Variants in ERCC6L2 observed in about 807,000 individuals in gnomAD.
The protein encoded by ERCC6L2 is DNA excision repair protein ERCC-6-like 2.
A neutral mutation model predicts 132.0 loss-of-function variants in ERCC6L2; 77 were observed. The ratio of observed to expected loss-of-function variants is 0.58; its 90% CI spans 0.49 to 0.71. ERCC6L2 has a LOEUF of 0.71. Ranked by LOEUF, ERCC6L2 falls within the 30% of genes least tolerant of loss-of-function variation. The pLI, the probability that ERCC6L2 is intolerant of heterozygous loss-of-function variation, is 0.00. For missense variants in ERCC6L2, 1,542 were observed against 1,837.6 expected, an observed-to-expected ratio of 0.84 and a Z score of 2.94; for synonymous variants, 583 against 632.4, an observed-to-expected ratio of 0.92 and a Z score of 1.17.
chr9:95,927,248 GAGTA>G, intron 9 of ERCC6L2, among the ~76,000 whole-genome samples: 1 of 152,166 alleles, frequency 6.6e-6, no homozygotes, highest in Non-Finnish European at 1.5e-5. Context: ...TCTCTTGATT[GAGTA>G]AGTGTTATAT....
intron 6 of ERCC6L2, among the ~76,000 whole-genome samples, chr9:95,920,086 A>G (rs1470314908): frequency 6.6e-6 from 1 of 152,226 alleles, no homozygotes; most frequent in Non-Finnish European, 1.5e-5. Flanking sequence ...CAAATGGTGG[A>G]AGAAGGACTG....
intron 19 of ERCC6L2, among the ~76,000 whole-genome samples, chr9:96,030,712 A>AAC (rs1442394488): frequency 6.6e-6 from 1 of 151,548 alleles, no homozygotes; most frequent in Non-Finnish European, 1.5e-5. Context: ...AAAAAAAAAA[A>AAC]AAAAAAAAGC....
At chr9:95,936,747 T>A (rs1830572115) in intron 11 of ERCC6L2, among the ~76,000 whole-genome samples, 1 of 152,212 alleles carries the variant, frequency 6.6e-6, no homozygotes. Flanking sequence ...TCCCTCATGC[T>A]GTCCTTTTGT....
chr9:95,995,907 A>G (rs1025677419), intron 17 of ERCC6L2, among the ~76,000 whole-genome samples: 3 of 152,126 alleles, frequency 2.0e-5, no homozygotes, highest in Non-Finnish European at 4.4e-5. Flanking sequence ...AGACCTCCCC[A>G]TTCCCTGAAA....
Position 96,034,167 on chromosome 9 carries a change from C to T in ERCC6L2, c.*1504-4709C>T, listed in dbSNP as rs187524912. Among the ~76,000 whole-genome samples the T allele has an allele frequency of 3.3e-5, 5 of 152,334 alleles. No individual in the cohort carries two copies. In the East Asian group the frequency reaches 7.7e-4, roughly 23 times the overall value. ...TCTGTGCTCCCATCTCAGTGCTGCA[C>T]GCAGTCAGGGTAGGGATAGGAGGGG... On this transcript the variant is annotated intron_variant and NMD_transcript_variant, in intron 19 of 20. Transcript: ENST00000670016.
At chr9:96,020,638 G>A (rs73536571), downstream of ERCC6L2, 4,406 of 395,402 alleles carry the variant, frequency 0.011, 189 homozygotes, top group African/African-American at 0.083. Context: ...AAGGCCCACC[G>A]AGGAAGGCAG....
At position 96,017,758 on chromosome 9, in the gene ERCC6L2, G is replaced by T. The variant is rs1374246033; in HGVS notation, c.*4555G>T. 6.6e-6 allele frequency among the ~76,000 whole-genome samples: 1 copy of T among 152,170 alleles called. No individual in the cohort carries two copies. The highest frequency in any genetic ancestry group is 1.5e-5 in the Non-Finnish European group (1 of 68,050). ...TGATGGAGCCCACTGTGTGCTTTTT[G>T]TTGTTGTTACATTCCTATAAAAATG... On this transcript the variant is annotated 3_prime_UTR_variant, in exon 19 of 19. Coordinates refer to ENST00000653738, the MANE Select transcript of ERCC6L2 (RefSeq NM_020207.7).
At chr9:95,880,517 A>G (rs891572904) in intron 1 of ERCC6L2, among the ~76,000 whole-genome samples, 43 of 152,170 alleles carry the variant, frequency 2.8e-4, no homozygotes, top group Non-Finnish European at 3.7e-4. Flanking sequence ...GAATTCAACA[A>G]TAACAACCAA....
intron 17 of ERCC6L2, among the ~76,000 whole-genome samples, chr9:95,979,305 A>G (rs561452882): frequency 1.3e-5 from 2 of 152,302 alleles, no homozygotes; most frequent in South Asian, 2.1e-4. Flanking sequence ...CCAAATGGCT[A>G]TCCTGGACAG....
chr9:95,907,856 C>CACACACACAAACACACACACACACACACA (rs869053572), intron 4 of ERCC6L2, among the ~76,000 whole-genome samples: 1 of 145,830 alleles, frequency 6.9e-6, no homozygotes, highest in Non-Finnish European at 1.5e-5. Context: ...CACACACACA[C>CACACACACAAACACACACACACACACACA]CCCCACACCC....
chr9:95,914,544 A>G (rs1292198805), intron 4 of ERCC6L2, among the ~76,000 whole-genome samples: 1 of 151,940 alleles, frequency 6.6e-6, no homozygotes, highest in Non-Finnish European at 1.5e-5. Flanking sequence ...AGTAGAGACA[A>G]GATTTCACCA....
Position 96,004,500 on chromosome 9 carries a change from G to A in ERCC6L2, c.3493-20G>A. 1.6e-6 allele frequency: 2 copies of A among 1,282,358 alleles called. No homozygotes were observed. Among genetic ancestry groups the A allele is most frequent in the Non-Finnish European group, 2.1e-6 (2 of 975,388 alleles). The allele number at this position is 1,282,358 out of a possible 1,614,324, so 79.4% of individuals were successfully genotyped here. ...GACTATTTTTTCAGACATAGCTTTT[G>A]TTTCCTTTCTTTTTTTCAGACATAT... On this transcript the variant is annotated intron_variant, in intron 17 of 18. Transcript: ENST00000653738.
At chr9:95,916,202 C>T in intron 5 of ERCC6L2, 25 bp from the exon 6 acceptor site, 2 of 1,598,076 alleles carry the variant, frequency 1.3e-6, no homozygotes, top group Non-Finnish European at 1.7e-6. Context: ...AAAGCCCTTA[C>T]ATTTTTCTTA....
chr9:95,998,004 A>T (rs1392024122), intron 17 of ERCC6L2, among the ~76,000 whole-genome samples: 9 of 152,338 alleles, frequency 5.9e-5, no homozygotes. Flanking sequence ...TAAAGTAGAT[A>T]TTGTTTTTCA....
chr9:96,039,831 C>A (rs1834558567), intron 20 of ERCC6L2, among the ~76,000 whole-genome samples: 1 of 152,126 alleles, frequency 6.6e-6, no homozygotes. Flanking sequence ...CAAGACAGAG[C>A]AGGCTACAGT....
At chr9:95,879,165 T>C (rs937383060) in intron 1 of ERCC6L2, among the ~76,000 whole-genome samples, 1 of 152,046 alleles carries the variant, frequency 6.6e-6, no homozygotes, top group Non-Finnish European at 1.5e-5. Flanking sequence ...CTCCAGCACC[T>C]GTTGTTTCCT....
At chr9:95,932,806 A>G (rs1198137672) in intron 11 of ERCC6L2, among the ~76,000 whole-genome samples, 3 of 152,218 alleles carry the variant, frequency 2.0e-5, no homozygotes, top group African/African-American at 7.2e-5. Context: ...GGCAGACCTA[A>G]GGAATAAACA....
At chr9:95,996,766 A>G (rs1833485499) in intron 17 of ERCC6L2, among the ~76,000 whole-genome samples, 1 of 152,340 alleles carries the variant, frequency 6.6e-6, no homozygotes, top group African/African-American at 2.4e-5. Flanking sequence ...GAGACATGCT[A>G]CTCAGAAAAG....
intron 6 of ERCC6L2, among the ~76,000 whole-genome samples, chr9:95,917,263 T>A (rs1199360889): frequency 6.6e-6 from 1 of 152,174 alleles, no homozygotes; most frequent in Non-Finnish European, 1.5e-5. Flanking sequence ...CAAGAAAATA[T>A]GAGGAGTGGA....
Sources: gnomAD v4.1 joint callset for allele counts (sites outside exome capture counted in the v4.1 genomes callset) on GRCh38, gnomAD v4.1.1 for gene constraint, MANE v1.5 for transcripts, NCBI Gene and HGNC (gene_info 2026-07-23, HGNC 2026-07-21) for gene names.